ADAMTS3: variants seen among roughly 807,000 people sequenced by gnomAD.
ADAMTS3 encodes ADAM metallopeptidase with thrombospondin type 1 motif 3.
ADAMTS3 carries 73 observed loss-of-function variants against 129.0 expected under a neutral mutation model. The observed-to-expected ratio is 0.57, with a 90% CI of 0.47 to 0.69. ADAMTS3 has a LOEUF of 0.69. Ranked by LOEUF, ADAMTS3 falls within the 30% of genes least tolerant of loss-of-function variation. The pLI is 0.00. For missense variants in ADAMTS3, 1,457 were observed against 1,514.5 expected (o/e 0.96, Z 0.63); for synonymous variants, 477 against 510.8 (o/e 0.93, Z 0.89).
At chr4:72,448,359 A>G (rs1325999507) in intron 3 of ADAMTS3, among the ~76,000 whole-genome samples, 2 of 151,812 alleles carry the variant, frequency 1.3e-5, no homozygotes, top group Admixed American at 1.3e-4. Context: ...TCTGTGATTC[A>G]GAGTAATTTT....
At chr4:72,292,577 A>G (rs2109774090) in intron 19 of ADAMTS3, among the ~76,000 whole-genome samples, 1 of 152,308 alleles carries the variant, frequency 6.6e-6, no homozygotes, top group South Asian at 2.1e-4. Flanking sequence ...CAGTGTCCCA[A>G]GCACTCTCCA....
intron 2 of ADAMTS3, among the ~76,000 whole-genome samples, chr4:72,564,630 G>A (rs1309310249): frequency 6.6e-6 from 1 of 151,962 alleles, no homozygotes; most frequent in Non-Finnish European, 1.5e-5. Flanking sequence ...TTTTTTCTAG[G>A]GTGAATCCTA....
intron 4 of ADAMTS3, among the ~76,000 whole-genome samples, chr4:72,378,247 T>A (rs552902067): frequency 6.6e-6 from 1 of 152,292 alleles, no homozygotes; most frequent in East Asian, 1.9e-4. Context: ...ATGAAGCATT[T>A]AGGAAACCAT....
chr4:72,377,035 T>C (rs1407693176), intron 4 of ADAMTS3, among the ~76,000 whole-genome samples: 1 of 152,176 alleles, frequency 6.6e-6, no homozygotes, highest in African/African-American at 2.4e-5. Flanking sequence ...ACTGTAAACA[T>C]GGCCTTACCA....
intron 3 of ADAMTS3, among the ~76,000 whole-genome samples, chr4:72,538,631 CT>C (rs200580079): frequency 8.6e-5 from 13 of 151,686 alleles, no homozygotes; most frequent in Admixed American, 7.2e-4. Context: ...ATGCCAAAGA[CT>C]TTTTTTTGGC....
In ADAMTS3 at chr4:72,484,264, T is replaced by A. The variant is rs142047802; in HGVS notation, c.504+64214A>T. Among the ~76,000 whole-genome samples the A allele has an allele frequency of 2.0e-3, 304 of 152,322 alleles. 1 individual carries two copies. The highest frequency in any genetic ancestry group is 6.9e-3 in the African/African-American group (287 of 41,578). ...ATATTAAGGCACTATTCTAGTTTCT[T>A]ATGTGTAAAATTCTTCCAGTAATGT... On this transcript the variant is annotated intron_variant, in intron 3 of 21. Transcript: ENST00000286657.
intron 4 of ADAMTS3, among the ~76,000 whole-genome samples, chr4:72,351,231 T>C (rs949200410): frequency 3.3e-5 from 5 of 151,956 alleles, no homozygotes; most frequent in African/African-American, 1.2e-4. Context: ...TATTCTATCT[T>C]GATCAGGAGC....
chr4:72,543,002 T>A (rs1360894494), intron 3 of ADAMTS3, among the ~76,000 whole-genome samples: 2 of 152,244 alleles, frequency 1.3e-5, no homozygotes, highest in African/African-American at 4.8e-5. Context: ...AAGCATATCA[T>A]CATTAAAATA....
chr4:72,305,521 G>A (rs1476074205), intron 16 of ADAMTS3, among the ~76,000 whole-genome samples: 2 of 151,832 alleles, frequency 1.3e-5, no homozygotes, highest in South Asian at 2.1e-4. Flanking sequence ...ATTCCTTAGA[G>A]CAAAAAGTGT....
chr4:72,399,589 A>G (rs1721821660), intron 4 of ADAMTS3, among the ~76,000 whole-genome samples: 1 of 152,104 alleles, frequency 6.6e-6, no homozygotes, highest in Non-Finnish European at 1.5e-5. Flanking sequence ...CAAAAAGGAA[A>G]AATTGGGGTA....
intron 3 of ADAMTS3, among the ~76,000 whole-genome samples, chr4:72,476,826 G>A (rs951048067): frequency 6.6e-6 from 1 of 152,010 alleles, no homozygotes; most frequent in Non-Finnish European, 1.5e-5. Flanking sequence ...TGGCCTAATG[G>A]GGTTTATTTC....
At chr4:72,423,613 T>C (rs1722499870) in intron 3 of ADAMTS3, among the ~76,000 whole-genome samples, 1 of 152,142 alleles carries the variant, frequency 6.6e-6, no homozygotes, top group African/African-American at 2.4e-5. Flanking sequence ...ACGTGCAAGT[T>C]TGTTACATAT....
intron 3 of ADAMTS3, among the ~76,000 whole-genome samples, chr4:72,479,812 A>G (rs1009756684): frequency 2.0e-5 from 3 of 152,230 alleles, no homozygotes; most frequent in Non-Finnish European, 4.4e-5. Context: ...AAGGGCTAAT[A>G]TCCAGAATCT....
intron 3 of ADAMTS3, among the ~76,000 whole-genome samples, chr4:72,536,111 T>C (rs1443024344): frequency 2.0e-5 from 3 of 152,218 alleles, no homozygotes; most frequent in Admixed American, 6.5e-5. Flanking sequence ...CTCATTATCG[T>C]AATGACAACA....
At chr4:72,488,507 C>G (rs925763544) in intron 3 of ADAMTS3, among the ~76,000 whole-genome samples, 8 of 151,836 alleles carry the variant, frequency 5.3e-5, no homozygotes, top group Non-Finnish European at 1.2e-4. Context: ...TGAGATGATC[C>G]ATTGCTCATC....
chr4:72,373,899 AAATAATAATAATAATAATAAT>A lies in ADAMTS3; in HGVS notation c.662-34227_662-34207del, dbSNP rs58311705. 1.3e-3 allele frequency among the ~76,000 whole-genome samples: 182 copies of A among 141,102 alleles called. 1 individual carries two copies. Among genetic ancestry groups the A allele is most frequent in the South Asian group, 4.8e-3 (21 of 4,346 alleles). The allele number at this position is 141,102 out of a possible 152,430, so 92.6% of individuals were successfully genotyped here. A position where few individuals can be genotyped will look rare whatever the true frequency, so the allele number is the denominator to read the frequency against. ...TCTGTGTCAGCAAGACCCCATCTCA[AAATAATAATAATAATAATAAT>A]AATAATAATAATAATAATAATAATA... On this transcript the variant is annotated intron_variant, in intron 4 of 21. Transcript: ENST00000286657.
intron 3 of ADAMTS3, among the ~76,000 whole-genome samples, chr4:72,468,560 T>C (rs1718981166): frequency 6.6e-6 from 1 of 152,102 alleles, no homozygotes; most frequent in African/African-American, 2.4e-5. Context: ...CCTAGTCATA[T>C]TTAAATGACA....
rs372655516 is a variant in ADAMTS3, at chr4:72,529,978, A to ATATATTATATTTATATATAAT, written c.504+18499_504+18500insATTATATATAAATATAATATA. 3.0e-4 allele frequency among the ~76,000 whole-genome samples: 2 copies of ATATATTATATTTATATATAAT among 6,724 alleles called. 1 individual carries two copies. Among genetic ancestry groups the ATATATTATATTTATATATAAT allele is most frequent in the Non-Finnish European group, 4.5e-4 (2 of 4,450 alleles). The allele number at this position is 6,724 out of a possible 152,430, so 4.4% of individuals were successfully genotyped here. ...ATATAATATATTATATTTATATATA[A>ATATATTATATTTATATATAAT]ATATAATATATTATATTTATATATA... On this transcript the variant is annotated intron_variant, in intron 3 of 21. Transcript: ENST00000286657.
chr4:72,450,310 A>G (rs371358453), intron 3 of ADAMTS3, among the ~76,000 whole-genome samples: 2 of 151,766 alleles, frequency 1.3e-5, no homozygotes, highest in Non-Finnish European at 3.0e-5. Flanking sequence ...CTTCGTGGTC[A>G]TAAGTATGCT....
Sources: gnomAD v4.1 joint callset for allele counts (sites outside exome capture counted in the v4.1 genomes callset) on GRCh38, gnomAD v4.1.1 for gene constraint, MANE v1.5 for transcripts, NCBI Gene and HGNC (gene_info 2026-07-23, HGNC 2026-07-21) for gene names.